HEMK2: variants seen among roughly 807,000 people sequenced by gnomAD.
HEMK2 encodes the protein methyltransferase HEMK2.
At chr21:28,750,306 A>T in the HEMK2 span, among the ~76,000 whole-genome samples, 29,480 of 152,210 alleles carry the variant, frequency 0.19, 3,574 homozygotes, top group African/African-American at 0.34. Context: ...CTAAGACCAC[A>T]GTGTAGAACA....
the HEMK2 span, among the ~76,000 whole-genome samples, chr21:28,783,217 C>A: frequency 6.6e-6 from 1 of 152,018 alleles, no homozygotes; most frequent in African/African-American, 2.4e-5. Context: ...CAGAATCTCG[C>A]TCTGTTGCCC....
the HEMK2 span, among the ~76,000 whole-genome samples, chr21:28,653,635 G>A: frequency 5.9e-5 from 9 of 152,032 alleles, no homozygotes; most frequent in Admixed American, 1.3e-4. Context: ...CTTAACATCC[G>A]ACAAGTTTCT....
the HEMK2 span, among the ~76,000 whole-genome samples, chr21:28,648,757 C>A: frequency 2.2e-4 from 34 of 152,176 alleles, no homozygotes; most frequent in Admixed American, 3.3e-4. Flanking sequence ...CAGGGATTTC[C>A]AAAACATACT....
chr21:28,876,423 G>C, the HEMK2 span: 2 of 1,611,244 alleles, frequency 1.2e-6, no homozygotes, highest in Non-Finnish European at 1.7e-6. Context: ...AGAGTTTCTT[G>C]GCCTGCTTGT....
the HEMK2 span, among the ~76,000 whole-genome samples, chr21:28,743,849 T>C: frequency 6.6e-6 from 1 of 152,142 alleles, no homozygotes; most frequent in Non-Finnish European, 1.5e-5. Flanking sequence ...AATGTTTTAT[T>C]GTTCTGAGAC....
At chr21:28,686,503 A>G in the HEMK2 span, among the ~76,000 whole-genome samples, 1 of 152,088 alleles carries the variant, frequency 6.6e-6, no homozygotes, top group Non-Finnish European at 1.5e-5. Context: ...AAAGTGCTGC[A>G]ATTACAGGAG....
chr21:28,746,783 A>T, the HEMK2 span, among the ~76,000 whole-genome samples: 183 of 152,220 alleles, frequency 1.2e-3, no homozygotes, highest in Non-Finnish European at 2.1e-3. Context: ...TGAAGAACAC[A>T]AATAAGGCCA....
the HEMK2 span, among the ~76,000 whole-genome samples, chr21:28,717,530 A>G: frequency 7.7e-6 from 1 of 129,762 alleles, no homozygotes; most frequent in Non-Finnish European, 1.5e-5. Flanking sequence ...CCCAGGCTGG[A>G]GTACAGTGGC....
chr21:28,810,744 C>CA, the HEMK2 span, among the ~76,000 whole-genome samples: 1 of 152,182 alleles, frequency 6.6e-6, no homozygotes, highest in Non-Finnish European at 1.5e-5. Context: ...CAAAAATACT[C>CA]ATTCTTCCAC....
the HEMK2 span, among the ~76,000 whole-genome samples, chr21:28,727,855 G>C: frequency 6.6e-6 from 1 of 152,064 alleles, no homozygotes; most frequent in Non-Finnish European, 1.5e-5. Context: ...AAATTCTTCT[G>C]TTCCCAATTA....
chr21:28,639,949 A>AG, the HEMK2 span, among the ~76,000 whole-genome samples: 2 of 152,138 alleles, frequency 1.3e-5, no homozygotes, highest in Non-Finnish European at 2.9e-5. Context: ...CAGGGATCTG[A>AG]GGGGGTGGAG....
the HEMK2 span, among the ~76,000 whole-genome samples, chr21:28,592,178 A>AT: frequency 6.6e-6 from 1 of 152,286 alleles, no homozygotes; most frequent in Admixed American, 6.5e-5. Flanking sequence ...CAGTGTATAA[A>AT]TGTTCCTTTT....
the HEMK2 span, among the ~76,000 whole-genome samples, chr21:28,868,818 A>G: frequency 1.3e-5 from 2 of 152,220 alleles, no homozygotes; most frequent in Admixed American, 1.3e-4. Flanking sequence ...TAACGCATAG[A>G]AATACAAATG....
At chr21:28,577,615 T>C in the HEMK2 span, among the ~76,000 whole-genome samples, 1 of 152,180 alleles carries the variant, frequency 6.6e-6, no homozygotes, top group Non-Finnish European at 1.5e-5. Context: ...TAACAACATA[T>C]CTAGGGTTGC....
the HEMK2 span, among the ~76,000 whole-genome samples, chr21:28,583,175 T>C: frequency 1.3e-5 from 2 of 152,226 alleles, no homozygotes; most frequent in East Asian, 3.8e-4. Flanking sequence ...TTATGTAAGA[T>C]GAAAATACAT....
chr21:28,606,390 G>T, the HEMK2 span, among the ~76,000 whole-genome samples: 2 of 152,190 alleles, frequency 1.3e-5, no homozygotes, highest in Non-Finnish European at 2.9e-5. Flanking sequence ...GCTCCATAAA[G>T]AAGCCAAATA....
At chr21:28,857,558 C>T in the HEMK2 span, among the ~76,000 whole-genome samples, 1 of 152,106 alleles carries the variant, frequency 6.6e-6, no homozygotes, top group African/African-American at 2.4e-5. Context: ...ATGTAGTTAG[C>T]TGCTGTATCA....
chr21:28,634,619 G>A, the HEMK2 span, among the ~76,000 whole-genome samples: 1 of 152,144 alleles, frequency 6.6e-6, no homozygotes, highest in African/African-American at 2.4e-5. Flanking sequence ...TATGCACAGG[G>A]CTTATGAAAA....
chr21:28,676,636 T>G, the HEMK2 span, among the ~76,000 whole-genome samples: 41 of 152,266 alleles, frequency 2.7e-4, no homozygotes, highest in African/African-American at 9.9e-4. Context: ...GTTCGCGCCT[T>G]TGCAGCAGCG....
Sources: allele counts gnomAD v4.1 joint callset (sites outside exome capture counted in the v4.1 genomes callset), GRCh38; gene constraint gnomAD v4.1.1; transcripts MANE v1.5; gene names NCBI Gene and HGNC (gene_info 2026-07-23, HGNC 2026-07-21).